The following ARPP19 variants were observed in gnomAD, a reference collection of about 807,000 sequenced individuals.
ARPP19 encodes cAMP-regulated phosphoprotein 19.
Under a neutral mutation model 12.0 loss-of-function variants are expected in ARPP19, and 8 were observed. The ratio of observed to expected loss-of-function variants is 0.67; its 90% confidence interval spans 0.39 to 1.21. The LOEUF (loss-of-function observed/expected upper bound fraction) is 1.21. Among genes scored for constraint, ARPP19 ranks in the 50% most tolerant of loss-of-function variants. The pLI, the probability that ARPP19 is intolerant of heterozygous loss-of-function variation, is 0.01. For synonymous variants in ARPP19, 47 were observed against 50.4 expected, an observed-to-expected ratio of 0.93 and a Z score of 0.29; for missense variants, 102 against 136.3, an observed-to-expected ratio of 0.75 and a Z score of 1.25.
intron 1 of ARPP19, among the ~76,000 whole-genome samples, chr15:52,567,325 G>A (rs28545341): frequency 4.6e-5 from 7 of 152,130 alleles, no homozygotes; most frequent in African/African-American, 1.7e-4. Context: ...GATACATTAG[G>A]CTTTTCCAAG....
chr15:52,565,016 A>C (rs1256927598), intron 1 of ARPP19, among the ~76,000 whole-genome samples: 1 of 152,024 alleles, frequency 6.6e-6, no homozygotes. Context: ...TAAGCTGCTC[A>C]CAGTGCAATT....
At chr15:52,559,407 C>T (rs1006505689) in intron 1 of ARPP19, among the ~76,000 whole-genome samples, 18 of 152,132 alleles carry the variant, frequency 1.2e-4, no homozygotes, top group African/African-American at 4.3e-4. Context: ...AAAATCTCAG[C>T]CCGTACAATA....
Position 52,547,425 on chromosome 15 carries a change from A to G in ARPP19, c.*4509T>C, listed in dbSNP as rs1044678011. 3 of 152,252 alleles carry G rather than the reference A, an allele frequency of 2.0e-5. No individual in the cohort carries two copies. The highest frequency in any genetic ancestry group is 7.2e-5 in the African/African-American group (3 of 41,462). 9.4% of individuals were successfully genotyped at this position (152,252 alleles called of 1,614,324 possible). On this transcript the variant is annotated 3_prime_UTR_variant, in exon 3 of 3. Coordinates refer to ENST00000249822, the MANE Select transcript of ARPP19 (RefSeq NM_006628.6). ...CAGTACAGGCGAAGTGTTCTATTGC[A>G]TCACAAGTGCTAGTGATGCAGTAAC... is the stretch of plus-strand genomic sequence containing the variant.
intron 2 of ARPP19, among the ~76,000 whole-genome samples, chr15:52,556,524 A>G (rs1305371474): frequency 6.6e-6 from 1 of 152,202 alleles, no homozygotes; most frequent in African/African-American, 2.4e-5. Context: ...TTTAAATTGT[A>G]TTAGAGTAAA....
chr15:52,558,462 A>T (rs535017112), intron 1 of ARPP19, among the ~76,000 whole-genome samples: 8 of 149,522 alleles, frequency 5.4e-5, no homozygotes, highest in African/African-American at 2.0e-4. Context: ...TTGTCTCAAA[A>T]CAAAACAGAA....
At chr15:52,567,190 A>C (rs1227163845) in intron 1 of ARPP19, among the ~76,000 whole-genome samples, 1 of 152,348 alleles carries the variant, frequency 6.6e-6, no homozygotes, top group East Asian at 1.9e-4. Flanking sequence ...TTTAAGAAGG[A>C]ACATTATATT....
rs1439338711 is a variant in ARPP19 at position 52,550,250 on chromosome 15, C to T, written c.*1684G>A. 1 of 152,204 alleles carries T rather than the reference C, an allele frequency of 6.6e-6. No individual in the cohort carries two copies. Among genetic ancestry groups the T allele is most frequent in the Non-Finnish European group, 1.5e-5 (1 of 68,036 alleles). 9.4% of individuals were successfully genotyped at this position (152,204 alleles called of 1,614,324 possible). A position where few individuals can be genotyped will look rare whatever the true frequency, so the allele number is the denominator to read the frequency against. On this transcript the variant is annotated 3_prime_UTR_variant, in exon 3 of 3. Transcript: ENST00000249822. ...CCCAGTAAAGTCTGCTAAGTTCTAA[C>T]TAGATAAGCCACAAGTAAAACTAAA...
Position 52,549,197 on chromosome 15 carries a change from CATTA to C in ARPP19, c.*2733_*2736del, listed in dbSNP as rs1438669633. 15 of 152,168 alleles carry C rather than the reference CATTA, an allele frequency of 9.9e-5. No individual in the cohort carries two copies. Among genetic ancestry groups the C allele is most frequent in the African/African-American group, 3.6e-4 (15 of 41,438 alleles). The allele number at this position is 152,168 out of a possible 1,614,324, so 9.4% of individuals were successfully genotyped here. A position where few individuals can be genotyped will look rare whatever the true frequency, so the allele number is the denominator to read the frequency against. On this transcript the variant is annotated 3_prime_UTR_variant, in exon 3 of 3. Transcript: ENST00000249822. ...TATCAACAACTTCAATTTATTCCAA[CATTA>C]ATTTATGATAGGACAGTTATTAAAA...
At chr15:52,564,293 A>G (rs1207061034) in intron 1 of ARPP19, 5 of 1,379,450 alleles carry the variant, frequency 3.6e-6, no homozygotes, top group Non-Finnish European at 1.0e-6. Flanking sequence ...TCACACCTGC[A>G]GTCCCAGCTA....
rs893154637 is a variant in ARPP19 at position 52,548,829 on chromosome 15, T to G, written c.*3105A>C. ...AGCCTGATTTAGTAAAAAGTATCCA[T>G]AAATATTCAGAGGTATAGTTTTGTT... On this transcript the variant is annotated 3_prime_UTR_variant, in exon 3 of 3. Transcript: ENST00000249822. 1.3e-5 allele frequency: 2 copies of G among 152,636 alleles called. No individual in the cohort carries two copies. Among genetic ancestry groups the G allele is most frequent in the African/African-American group, 4.8e-5 (2 of 41,440 alleles). The allele number at this position is 152,636 out of a possible 1,614,324, so 9.5% of individuals were successfully genotyped here.
intron 1 of ARPP19, among the ~76,000 whole-genome samples, chr15:52,567,545 A>G (rs2078095287): frequency 6.6e-6 from 1 of 152,238 alleles, no homozygotes; most frequent in African/African-American, 2.4e-5. Flanking sequence ...TACGCATTTT[A>G]CAATAAGCAG....
intron 1 of ARPP19, among the ~76,000 whole-genome samples, chr15:52,567,922 A>T (rs2078100598): frequency 6.6e-6 from 1 of 152,192 alleles, no homozygotes; most frequent in Non-Finnish European, 1.5e-5. Context: ...TGTAAGAAAA[A>T]TTGTTGATAA....
intron 1 of ARPP19, among the ~76,000 whole-genome samples, chr15:52,559,806 T>A (rs972449078): frequency 1.3e-5 from 2 of 152,150 alleles, no homozygotes; most frequent in Non-Finnish European, 1.5e-5. Flanking sequence ...AGTTTAGAAG[T>A]GGATGTGGGA....
chr15:52,552,187 A>G (rs1328840922), intron 2 of ARPP19, 83 bp from the exon 3 acceptor site: 1 of 763,778 alleles, frequency 1.3e-6, no homozygotes, highest in Non-Finnish European at 2.3e-6. Flanking sequence ...TACTGTCCGT[A>G]TAAGGTTGGT....
At chr15:52,561,232 G>A (rs914850599) in intron 1 of ARPP19, among the ~76,000 whole-genome samples, 1 of 152,182 alleles carries the variant, frequency 6.6e-6, no homozygotes, top group Non-Finnish European at 1.5e-5. Context: ...AAGCTAGAAT[G>A]AAAACAAAGG....
chr15:52,554,242 G>A (rs2077961473), intron 2 of ARPP19, among the ~76,000 whole-genome samples: 1 of 152,104 alleles, frequency 6.6e-6, no homozygotes, highest in African/African-American at 2.4e-5. Context: ...TCATCACAAG[G>A]GGGTCTCAAT....
intron 1 of ARPP19, among the ~76,000 whole-genome samples, chr15:52,562,525 A>G (rs1223554226): frequency 6.6e-6 from 1 of 152,150 alleles, no homozygotes; most frequent in Non-Finnish European, 1.5e-5. Flanking sequence ...AAAATTAGAT[A>G]GGTGTCGTGG....
chr15:52,558,422 C>G (rs1247398927), intron 1 of ARPP19, among the ~76,000 whole-genome samples: 1 of 150,504 alleles, frequency 6.6e-6, no homozygotes, highest in Non-Finnish European at 1.5e-5. Flanking sequence ...TGCACTCTAG[C>G]CTGGGTGCAT....
chr15:52,561,540 A>G (rs2078032263), intron 1 of ARPP19, among the ~76,000 whole-genome samples: 1 of 152,206 alleles, frequency 6.6e-6, no homozygotes, highest in South Asian at 2.1e-4. Flanking sequence ...AAAAGGGTTT[A>G]TAATCTTAAT....
Sources: gnomAD v4.1 joint callset for allele counts (sites outside exome capture counted in the v4.1 genomes callset) on GRCh38, gnomAD v4.1.1 for gene constraint, MANE v1.5 for transcripts, NCBI Gene and HGNC (gene_info 2026-07-23, HGNC 2026-07-21) for gene names.